The following PDCD6IP variants were observed in gnomAD, a reference collection of about 807,000 sequenced individuals.
The protein encoded by PDCD6IP is programmed cell death 6 interacting protein.
PDCD6IP carries 43 observed loss-of-function variants against 103.7 expected under a neutral mutation model. The observed-to-expected ratio is 0.41, with a 90% CI of 0.32 to 0.53. PDCD6IP has a LOEUF of 0.53. PDCD6IP is among the 20% of genes least tolerant of loss of function. The pLI is 0.16. For synonymous variants in PDCD6IP, 354 were observed against 378.7 expected, an observed-to-expected ratio of 0.93 and a Z score of 0.76; for missense variants, 871 against 1,036.7, an observed-to-expected ratio of 0.84 and a Z score of 2.20.
At chr3:33,841,787 ACTC>A (rs1697481074) in intron 9 of PDCD6IP, 107 bp from the exon 10 acceptor site, 6 of 758,506 alleles carry the variant, frequency 7.9e-6, no homozygotes. Context: ...CTGGGTGCTA[ACTC>A]CATTGCTGTT....
chr3:33,842,188 C>G, intron 10 of PDCD6IP, 114 bp downstream of exon 10: 1 of 646,930 alleles, frequency 1.5e-6, no homozygotes, highest in Non-Finnish European at 2.6e-6. Flanking sequence ...GTATTCATCA[C>G]TTTGGTGAAT....
chr3:33,867,787 G>A lies in PDCD6IP; in HGVS notation c.*1262G>A, dbSNP rs1226329278. ...TGAGGTTCATTTCTGAACACATTAG[G>A]CATATGAGCAGATTTCCAGTGAATC... On this transcript the variant is annotated 3_prime_UTR_variant, in exon 18 of 18. Transcript: ENST00000307296. The A allele has an allele frequency of 6.6e-6, 1 of 152,146 alleles. No individual in the cohort carries two copies. Among genetic ancestry groups the A allele is most frequent in the Non-Finnish European group, 1.5e-5 (1 of 68,020 alleles). The allele number at this position is 152,146 out of a possible 1,614,324, so 9.4% of individuals were successfully genotyped here. A position where few individuals can be genotyped will look rare whatever the true frequency, so the allele number is the denominator to read the frequency against.
chr3:33,858,398 A>T (rs1559797769), intron 15 of PDCD6IP, among the ~76,000 whole-genome samples: 1 of 152,192 alleles, frequency 6.6e-6, no homozygotes, highest in African/African-American at 2.4e-5. Flanking sequence ...AAGTGGGAGG[A>T]TGGTTTGAGC....
chr3:33,840,551 C>G (rs1697446014), intron 9 of PDCD6IP, among the ~76,000 whole-genome samples: 1 of 152,236 alleles, frequency 6.6e-6, no homozygotes, highest in South Asian at 2.1e-4. Context: ...TAAGTTTACT[C>G]TAGCATATGA....
intron 7 of PDCD6IP, among the ~76,000 whole-genome samples, chr3:33,834,683 G>T (rs941113232): frequency 5.3e-5 from 8 of 152,046 alleles, no homozygotes; most frequent in African/African-American, 1.9e-4. Context: ...TATTATTTTG[G>T]AGAATTATAT....
Position 33,867,614 on chromosome 3 carries a change from A to G in PDCD6IP, c.*1089A>G, listed in dbSNP as rs1244001343. Reference sequence around the variant, plus strand: ...GGTTGGGAACATATGCCAATTATGGAATAGGCTATGTATTTAATATTAATC... The same window carrying G: ...GGTTGGGAACATATGCCAATTATGGGATAGGCTATGTATTTAATATTAATC... On this transcript the variant is annotated 3_prime_UTR_variant, in exon 18 of 18. Transcript: ENST00000307296. 1 of 152,240 alleles carries G rather than the reference A, an allele frequency of 6.6e-6. No homozygotes were observed. The highest frequency in any genetic ancestry group is 1.5e-5 in the Non-Finnish European group (1 of 68,030). The allele number at this position is 152,240 out of a possible 1,614,324, so 9.4% of individuals were successfully genotyped here. A position where few individuals can be genotyped will look rare whatever the true frequency, so the allele number is the denominator to read the frequency against.
intron 1 of PDCD6IP, among the ~76,000 whole-genome samples, chr3:33,804,199 A>G (rs1175366777): frequency 6.6e-6 from 1 of 152,056 alleles, no homozygotes; most frequent in Non-Finnish European, 1.5e-5. Flanking sequence ...GGAAACAGGA[A>G]CTCTCACAAA....
chr3:33,869,472 T>G lies in PDCD6IP; in HGVS notation c.*2947T>G, dbSNP rs911054092. On this transcript the variant is annotated 3_prime_UTR_variant, in exon 18 of 18. Transcript: ENST00000307296. ...ACTTGGAAGAGCAAAGAAGGAAAAA[T>G]TATATTTTTAAAGAAAGAGAATATT... 6.6e-6 allele frequency: 1 copy of G among 152,200 alleles called. No homozygotes were observed. The highest frequency in any genetic ancestry group is 1.5e-5 in the Non-Finnish European group (1 of 68,026). 9.4% of individuals were successfully genotyped at this position (152,200 alleles called of 1,614,324 possible).
At chr3:33,858,714 A>G (rs1575945310) in intron 15 of PDCD6IP, among the ~76,000 whole-genome samples, 1 of 151,842 alleles carries the variant, frequency 6.6e-6, no homozygotes, top group Non-Finnish European at 1.5e-5. Context: ...AGAGGCTGAG[A>G]CAGGAGAATG....
intron 3 of PDCD6IP, among the ~76,000 whole-genome samples, chr3:33,814,682 T>C (rs1696800417): frequency 6.8e-6 from 1 of 146,258 alleles, no homozygotes; most frequent in Admixed American, 6.9e-5. Context: ...TATATGTGTA[T>C]ATAATGTGTA....
rs969418621 is a variant in PDCD6IP at position 33,868,838 on chromosome 3, G to A, written c.*2313G>A. The A allele has an allele frequency of 6.6e-6, 1 of 152,212 alleles. No homozygotes were observed. The highest frequency in any genetic ancestry group is 2.4e-5 in the African/African-American group (1 of 41,446). The allele number at this position is 152,212 out of a possible 1,614,324, so 9.4% of individuals were successfully genotyped here. The stretch of plus-strand genomic sequence containing the variant: ...TACTTAAATAATGAAGCTCTGCATA[G>A]AGGAACTAGTCAGAAGTGGGGAAAA... On this transcript the variant is annotated 3_prime_UTR_variant, in exon 18 of 18. Coordinates refer to ENST00000307296, the MANE Select transcript of PDCD6IP (RefSeq NM_013374.6).
At chr3:33,858,639 T>G (rs1697882390) in intron 15 of PDCD6IP, among the ~76,000 whole-genome samples, 1 of 151,974 alleles carries the variant, frequency 6.6e-6, no homozygotes, top group Non-Finnish European at 1.5e-5. Flanking sequence ...TGAAACCCCG[T>G]CTCTACTAAA....
At chr3:33,811,041 A>G in intron 1 of PDCD6IP, 1 of 412,282 alleles carries the variant, frequency 2.4e-6, no homozygotes, top group Non-Finnish European at 4.9e-6. Context: ...GTGCGCCACC[A>G]TGCCTGGCTA....
intron 12 of PDCD6IP, 82 bp from the exon 13 acceptor site, chr3:33,852,406 C>T (rs1338561624): frequency 5.3e-5 from 77 of 1,451,888 alleles, no homozygotes; most frequent in Non-Finnish European, 6.9e-5. Flanking sequence ...CCCGAATGAA[C>T]CTTTATATAT....
chr3:33,799,080 A>C (rs796102142), intron 1 of PDCD6IP, 143 bp downstream of exon 1: 1 of 804,414 alleles, frequency 1.2e-6, no homozygotes. Flanking sequence ...TGTGGTCTGC[A>C]TTCTTTGCTG....
At chr3:33,815,443 T>C (rs897255561) in intron 3 of PDCD6IP, among the ~76,000 whole-genome samples, 5 of 152,214 alleles carry the variant, frequency 3.3e-5, no homozygotes, top group Non-Finnish European at 5.9e-5. Context: ...TTATTGCCAG[T>C]TGAACAAACT....
intron 2 of PDCD6IP, among the ~76,000 whole-genome samples, chr3:33,812,339 A>G (rs1156634472): frequency 1.3e-5 from 2 of 152,196 alleles, no homozygotes; most frequent in Non-Finnish European, 2.9e-5. Flanking sequence ...ATGTAGAGCA[A>G]TGGTTTGTTT....
At chr3:33,847,982 A>T (rs1330981614) in intron 12 of PDCD6IP, among the ~76,000 whole-genome samples, 1 of 138,476 alleles carries the variant, frequency 7.2e-6, no homozygotes, top group African/African-American at 3.3e-5. Flanking sequence ...GGTACCTTTA[A>T]AAAAAAAAAC....
rs532953830 is a variant in PDCD6IP, at chr3:33,801,869, A to G, written c.209+2932A>G. ...TTAGAGAGAAAGCTTCTAGTCTTCC[A>G]TGAAAAAGTCTGCTTATCAGCTTTC... On this transcript the variant is annotated intron_variant, in intron 1 of 17. Transcript: ENST00000307296. Among the ~76,000 whole-genome samples the G allele has an allele frequency of 3.0e-4, 46 of 152,328 alleles. 2 individuals are homozygous for G. In the South Asian group the frequency reaches 8.3e-3, roughly 27 times the overall value.
Sources: gnomAD v4.1 joint callset for allele counts (sites outside exome capture counted in the v4.1 genomes callset) on GRCh38, gnomAD v4.1.1 for gene constraint, MANE v1.5 for transcripts, NCBI Gene and HGNC (gene_info 2026-07-23, HGNC 2026-07-21) for gene names.